PCMTD1: variants seen among roughly 807,000 people sequenced by gnomAD.
The protein encoded by PCMTD1 is protein-L-isoaspartate O-methyltransferase domain-containing protein 1.
A neutral mutation model predicts 37.6 loss-of-function variants in PCMTD1; 12 were observed. That is an observed-to-expected ratio of 0.32 (90% CI 0.20 to 0.52). The LOEUF is 0.52. PCMTD1 is among the 20% of genes least tolerant of loss of function. The pLI, the probability that PCMTD1 is intolerant of heterozygous loss-of-function variation, is 0.97. For synonymous variants in PCMTD1, 117 were observed against 135.8 expected (o/e 0.86, Z 0.96); for missense variants, 235 against 421.3 (o/e 0.56, Z 3.87).
At chr8:51,868,971 T>A (rs1246846810) in intron 1 of PCMTD1, among the ~76,000 whole-genome samples, 8 of 152,196 alleles carry the variant, frequency 5.3e-5, no homozygotes, top group African/African-American at 2.4e-5. Flanking sequence ...TGTTCAGGAC[T>A]TTCACTTAAT....
chr8:51,843,656 C>T (rs976242955), intron 3 of PCMTD1, among the ~76,000 whole-genome samples: 1 of 151,808 alleles, frequency 6.6e-6, no homozygotes, highest in African/African-American at 2.4e-5. Context: ...AAGTGGTCTT[C>T]AAACTTATTT....
Position 51,855,484 on chromosome 8 carries a change from G to A in PCMTD1, c.307+5361C>T, listed in dbSNP as rs919245619. Among the ~76,000 whole-genome samples the A allele has an allele frequency of 9.3e-5, 14 of 151,236 alleles. No homozygotes were observed. The East Asian group carries it at 1.6e-3, about 17-fold the overall frequency. The stretch of plus-strand genomic sequence containing the variant: ...GGAGGCACAGGCTGCAGTGAGCTGC[G>A]ATCGTGTCACTGCACTCCAGCCTGG... On this transcript the variant is annotated intron_variant, in intron 2 of 5. Transcript: ENST00000522514.
intron 1 of PCMTD1, among the ~76,000 whole-genome samples, chr8:51,893,353 T>A (rs1465934779): frequency 1.3e-5 from 2 of 152,210 alleles, no homozygotes; most frequent in African/African-American, 4.8e-5. Flanking sequence ...AGATTATTTT[T>A]AAAAAGTCTG....
Position 51,872,741 on chromosome 8 carries a change from C to T in PCMTD1, c.-95-11495G>A, listed in dbSNP as rs550156349. On this transcript the variant is annotated intron_variant, in intron 1 of 5. Coordinates refer to ENST00000522514, the MANE Select transcript of PCMTD1 (RefSeq NM_052937.4). The stretch of plus-strand genomic sequence containing the variant: ...AAATGCACAACTGGGGACTACTCAT[C>T]GCTTCAGATGATCTGTATCTGTTCC... Among the ~76,000 whole-genome samples the T allele has an allele frequency of 2.0e-5, 3 of 152,290 alleles. No homozygotes were observed. The East Asian group carries it at 5.8e-4, about 29-fold the overall frequency.
At chr8:51,887,209 T>G (rs776240722) in intron 1 of PCMTD1, among the ~76,000 whole-genome samples, 1 of 152,176 alleles carries the variant, frequency 6.6e-6, no homozygotes, top group Non-Finnish European at 1.5e-5. Flanking sequence ...AGGTCACATA[T>G]TCGCAGGTTC....
At chr8:51,846,100 CTATTA>C (rs1369655662) in intron 2 of PCMTD1, among the ~76,000 whole-genome samples, 5 of 152,166 alleles carry the variant, frequency 3.3e-5, no homozygotes, top group Non-Finnish European at 5.9e-5. Context: ...AAGTTACTTG[CTATTA>C]TTTTATCATT....
chr8:51,898,679 C>T (rs944104171), intron 1 of PCMTD1, among the ~76,000 whole-genome samples: 1 of 151,964 alleles, frequency 6.6e-6, no homozygotes, highest in African/African-American at 2.4e-5. Flanking sequence ...CTCCAGGCTT[C>T]GCTGGGCCCC....
Position 51,818,426 on chromosome 8 carries a change from A to AAAC in PCMTD1, c.*1924_*1925insGTT, listed in dbSNP as rs2037792821. ...GCTCCAACCAAAAAAAAAAAAAAAA[A>AAAC]CAAGCAGGGGAGATGGGACAGATAA... On this transcript the variant is annotated 3_prime_UTR_variant, in exon 6 of 6. Coordinates refer to ENST00000522514, the MANE Select transcript of PCMTD1 (RefSeq NM_052937.4). 1.3e-5 allele frequency: 2 copies of AAAC among 153,532 alleles called. No individual in the cohort carries two copies. The highest frequency in any genetic ancestry group is 2.4e-5 in the African/African-American group (1 of 41,492). The allele number at this position is 153,532 out of a possible 1,614,324, so 9.5% of individuals were successfully genotyped here.
In PCMTD1 at chr8:51,820,700, T is replaced by C; in HGVS notation, c.725A>G (p.Asn242Ser). The C allele has an allele frequency of 6.2e-7, 1 of 1,610,756 alleles. No individual in the cohort carries two copies. The highest frequency in any genetic ancestry group is 8.5e-7 in the Non-Finnish European group (1 of 1,179,042). Residue 242 changes from asparagine (N) to serine (S), a missense_variant, in exon 6 of 6, where the codon AAT becomes AGT. By Grantham distance (46) the Asn-to-Ser change is conservative. Around this residue, in one of 3 missense-constraint regions of PCMTD1, gnomAD observed 183 missense variants for 349.3 expected, o/e 0.52. Transcript: ENST00000522514. The part of the protein sequence containing the change: ...SVGLPPCAVR[N>S]LQDLARIYIR... ...GTAAATACGAGCCAAGTCCTGTAGA[T>C]TCCTGACAGCACAGGGAGCTAAAAA...
At chr8:51,839,940 T>C (rs1175027217) in intron 3 of PCMTD1, among the ~76,000 whole-genome samples, 1 of 152,218 alleles carries the variant, frequency 6.6e-6, no homozygotes, top group Non-Finnish European at 1.5e-5. Context: ...CTTCAGACTT[T>C]TCCATTGTGA....
At chr8:51,837,138 A>G (rs1163570848) in intron 3 of PCMTD1, among the ~76,000 whole-genome samples, 1 of 152,158 alleles carries the variant, frequency 6.6e-6, no homozygotes, top group African/African-American at 2.4e-5. Flanking sequence ...TTTCCCTCCA[A>G]TGTAAAGCAG....
At chr8:51,899,129 C>G (rs1182444504), upstream of PCMTD1, 8 of 1,395,438 alleles carry the variant, frequency 5.7e-6, no homozygotes, top group Admixed American at 9.1e-5. Flanking sequence ...GAACCACGGG[C>G]ACAGGGGCAG....
chr8:51,835,695 T>C (rs1166698952), intron 3 of PCMTD1, among the ~76,000 whole-genome samples: 1 of 152,218 alleles, frequency 6.6e-6, no homozygotes, highest in Non-Finnish European at 1.5e-5. Context: ...TTTTGAATTA[T>C]TAAACCACTT....
chr8:51,824,403 C>G (rs529574773), intron 5 of PCMTD1, among the ~76,000 whole-genome samples: 1 of 152,130 alleles, frequency 6.6e-6, no homozygotes, highest in East Asian at 1.9e-4. Flanking sequence ...ACATCAATAA[C>G]AGACAAACAG....
chr8:51,855,204 A>C (rs1315937116), intron 2 of PCMTD1, among the ~76,000 whole-genome samples: 6 of 137,960 alleles, frequency 4.3e-5, no homozygotes, highest in African/African-American at 5.4e-5. Flanking sequence ...CAAAAAAAAA[A>C]CATAATTTAT....
intron 2 of PCMTD1, among the ~76,000 whole-genome samples, chr8:51,848,718 AATTC>A (rs1168958939): frequency 6.6e-6 from 1 of 152,212 alleles, no homozygotes; most frequent in Non-Finnish European, 1.5e-5. Context: ...AGATAAAGAC[AATTC>A]ATTAATATGT....
At chr8:51,880,299 C>T (rs1189898098) in intron 1 of PCMTD1, among the ~76,000 whole-genome samples, 3 of 151,928 alleles carry the variant, frequency 2.0e-5, no homozygotes, top group Non-Finnish European at 2.9e-5. Flanking sequence ...TTATGCCCAA[C>T]CTCAGTGGCA....
At chr8:51,823,627 C>T (rs1356412746) in intron 5 of PCMTD1, among the ~76,000 whole-genome samples, 3 of 152,142 alleles carry the variant, frequency 2.0e-5, no homozygotes, top group Admixed American at 2.0e-4. Flanking sequence ...CAATACTAAT[C>T]CTGACTGCTA....
At chr8:51,822,937 T>C (rs1294719587) in intron 5 of PCMTD1, among the ~76,000 whole-genome samples, 1 of 152,242 alleles carries the variant, frequency 6.6e-6, no homozygotes, top group Non-Finnish European at 1.5e-5. Context: ...GTTACTGGTA[T>C]TCTCTGTCAA....
Sources: gnomAD v4.1 joint callset for allele counts (sites outside exome capture counted in the v4.1 genomes callset) on GRCh38, gnomAD v4.1.1 for gene constraint, gnomAD v4.1.1 regional missense constraint, MANE v1.5 for transcripts, NCBI Gene and HGNC (gene_info 2026-07-23, HGNC 2026-07-21) for gene names.